The following SIPA1L1 variants were observed in gnomAD, a reference collection of about 807,000 sequenced individuals.
SIPA1L1 encodes signal-induced proliferation-associated 1-like protein 1.
Under a neutral mutation model 162.7 loss-of-function variants are expected in SIPA1L1, and 26 were observed. That is an observed-to-expected ratio of 0.16 (90% CI 0.12 to 0.22). SIPA1L1 has a LOEUF of 0.22. SIPA1L1 is among the 10% of genes least tolerant of loss of function. The pLI, the probability that SIPA1L1 is intolerant of heterozygous loss-of-function variation, is 1.00. For missense variants in SIPA1L1, 1,874 were observed against 2,241.0 expected (o/e 0.84, Z 3.31); for synonymous variants, 829 against 837.4 (o/e 0.99, Z 0.17).
chr14:71,535,235 T>C (rs939693498), intron 4 of SIPA1L1, among the ~76,000 whole-genome samples: 2 of 152,230 alleles, frequency 1.3e-5, no homozygotes, highest in African/African-American at 2.4e-5. Flanking sequence ...ATGTATGGTG[T>C]GTGTTAGACT....
intron 4 of SIPA1L1, among the ~76,000 whole-genome samples, chr14:71,552,377 T>C (rs1358593732): frequency 6.6e-6 from 1 of 152,092 alleles, no homozygotes; most frequent in Non-Finnish European, 1.5e-5. Context: ...TACAAATGTA[T>C]TTTCCCATAC....
intron 7 of SIPA1L1, among the ~76,000 whole-genome samples, chr14:71,643,311 T>C (rs1321067484): frequency 6.6e-6 from 1 of 152,162 alleles, no homozygotes; most frequent in African/African-American, 2.4e-5. Context: ...AGATGACTTT[T>C]TTAGTCGTTA....
Position 71,587,940 on chromosome 14 carries a change from C to T in SIPA1L1, c.68C>T (p.Thr23Ile). 2 of 1,613,944 alleles carry T rather than the reference C, an allele frequency of 1.2e-6. No individual in the cohort carries two copies. The highest frequency in any genetic ancestry group is 2.2e-5 in the South Asian group (2 of 91,066). Residue 23 changes from threonine to isoleucine, a missense_variant, in exon 5 of 24, where the codon ACA becomes ATA. This residue lies in a region of SIPA1L1 where 685 missense variants were observed against 828.0 expected (regional missense o/e 0.83). Transcript: ENST00000381232. The part of the protein sequence containing the change: ...LATDRASVVG[T>I]DGTPKVHTDD... ...ACTGACAGGGCCTCTGTTGTTGGCA[C>T]AGACGGCACCCCCAAAGTCCACACT...
intron 19 of SIPA1L1, among the ~76,000 whole-genome samples, chr14:71,729,288 G>A (rs1009148425): frequency 2.0e-5 from 3 of 152,054 alleles, no homozygotes; most frequent in East Asian, 1.9e-4. Flanking sequence ...TGCCCACCTC[G>A]GCCTCCCAAA....
In SIPA1L1 at chr14:71,672,701, A is replaced by G. The variant is rs182745698; in HGVS notation, c.3104+79A>G. On this transcript the variant is annotated intron_variant, in intron 12 of 23. Transcript: ENST00000381232. ...CCATGTAGAACATCTCTTAGCAGGTAGTGGAGTAGGGTGTTGTGAAGAACA... is the reference window on the plus strand; with the variant it reads ...CCATGTAGAACATCTCTTAGCAGGTGGTGGAGTAGGGTGTTGTGAAGAACA... 3,773 of 1,457,792 alleles carry G rather than the reference A, an allele frequency of 2.6e-3. 32 individuals carry two copies. Among genetic ancestry groups the G allele is most frequent in the Non-Finnish European group, 2.1e-3 (2,270 of 1,064,494 alleles). The allele number at this position is 1,457,792 out of a possible 1,614,324, so 90.3% of individuals were successfully genotyped here. A position where few individuals can be genotyped will look rare whatever the true frequency, so the allele number is the denominator to read the frequency against.
intron 8 of SIPA1L1, among the ~76,000 whole-genome samples, chr14:71,657,888 G>A (rs2149200491): frequency 6.6e-6 from 1 of 152,034 alleles, no homozygotes; most frequent in South Asian, 2.1e-4. Context: ...ATTTACCTGT[G>A]ATTTCATTGC....
chr14:71,325,224 T>C (rs905995358), intron 2 of SIPA1L1, among the ~76,000 whole-genome samples: 2 of 152,246 alleles, frequency 1.3e-5, no homozygotes, highest in Non-Finnish European at 2.9e-5. Flanking sequence ...TTGGCCTCAT[T>C]GAATTTTTGC....
intron 12 of SIPA1L1, among the ~76,000 whole-genome samples, chr14:71,682,687 C>T (rs150751003): frequency 2.0e-4 from 30 of 152,338 alleles, no homozygotes; most frequent in African/African-American, 7.0e-4. Flanking sequence ...AGCCAGTTTT[C>T]ATACTAAATG....
chr14:71,455,322 T>G (rs569131293), intron 2 of SIPA1L1, among the ~76,000 whole-genome samples: 6 of 152,192 alleles, frequency 3.9e-5, no homozygotes, highest in Admixed American at 6.5e-5. Context: ...TCCAAATGAT[T>G]GTTTTTCTTG....
At chr14:71,694,297 A>G (rs1327395603) in intron 13 of SIPA1L1, among the ~76,000 whole-genome samples, 3 of 152,116 alleles carry the variant, frequency 2.0e-5, no homozygotes, top group African/African-American at 7.2e-5. Flanking sequence ...TGCTTCTGGA[A>G]GAATGAAGGA....
At chr14:71,626,388 C>CT (rs538241511) in intron 7 of SIPA1L1, among the ~76,000 whole-genome samples, 19 of 152,024 alleles carry the variant, frequency 1.2e-4, no homozygotes, top group Admixed American at 3.3e-4. Context: ...TAGCCTCTGT[C>CT]TTTTTTTTAT....
At chr14:71,340,290 G>A (rs1050524803) in intron 2 of SIPA1L1, among the ~76,000 whole-genome samples, 1 of 151,722 alleles carries the variant, frequency 6.6e-6, no homozygotes, top group African/African-American at 2.4e-5. Flanking sequence ...CACAGAGTTG[G>A]TGTGTGACCC....
At chr14:71,709,718 C>A in intron 17 of SIPA1L1, 54 bp downstream of exon 17, 1 of 1,483,646 alleles carries the variant, frequency 6.7e-7, no homozygotes, top group South Asian at 1.3e-5. Context: ...GCCCAGTTCC[C>A]TGGCCTCAGC....
intron 19 of SIPA1L1, among the ~76,000 whole-genome samples, chr14:71,729,372 CA>C (rs2084544389): frequency 6.6e-6 from 1 of 152,160 alleles, no homozygotes; most frequent in African/African-American, 2.4e-5. Context: ...AATGCATCTT[CA>C]AAAAATGAAT....
chr14:71,330,709 G>T (rs2034426423), intron 2 of SIPA1L1: 1 of 880,126 alleles, frequency 1.1e-6, no homozygotes. Flanking sequence ...ATTCTCATAG[G>T]CAGGCAGGAA....
intron 4 of SIPA1L1, among the ~76,000 whole-genome samples, chr14:71,569,680 T>C (rs1434272864): frequency 6.6e-6 from 1 of 152,168 alleles, no homozygotes; most frequent in East Asian, 1.9e-4. Context: ...TAGAACTGGG[T>C]TCGAAAAATA....
chr14:71,694,145 G>T (rs1369068511), intron 13 of SIPA1L1, among the ~76,000 whole-genome samples: 1 of 152,110 alleles, frequency 6.6e-6, no homozygotes, highest in Non-Finnish European at 1.5e-5. Context: ...ATCTATTAAT[G>T]TTGGCACTAT....
chr14:71,738,538 T>C (rs2085525870), intron 23 of SIPA1L1, among the ~76,000 whole-genome samples: 1 of 152,138 alleles, frequency 6.6e-6, no homozygotes, highest in Non-Finnish European at 1.5e-5. Context: ...CAATAATTTG[T>C]GAAAGGCTGT....
intron 4 of SIPA1L1, among the ~76,000 whole-genome samples, chr14:71,582,545 G>A (rs1442186755): frequency 1.3e-5 from 2 of 152,062 alleles, no homozygotes; most frequent in Non-Finnish European, 2.9e-5. Flanking sequence ...AGGGAAATGT[G>A]ATTTTCCTTT....
Sources: allele counts gnomAD v4.1 joint callset (sites outside exome capture counted in the v4.1 genomes callset), GRCh38; gene constraint gnomAD v4.1.1; regional missense constraint gnomAD v4.1.1; transcripts MANE v1.5; gene names NCBI Gene and HGNC (gene_info 2026-07-23, HGNC 2026-07-21).